Variants in OTUD7A observed in about 807,000 individuals in gnomAD.
OTUD7A encodes OTU domain-containing protein 7A.
Under a neutral mutation model 65.7 loss-of-function variants are expected in OTUD7A, and 12 were observed. The ratio of observed to expected loss-of-function variants is 0.18; its 90% CI spans 0.12 to 0.30. OTUD7A has a LOEUF of 0.30. OTUD7A is among the 10% of genes least tolerant of loss of function. OTUD7A has a pLI of 1.00. For missense variants in OTUD7A, 1,148 were observed against 1,304.8 expected, an observed-to-expected ratio of 0.88 and a Z score of 1.85; for synonymous variants, 641 against 586.3, an observed-to-expected ratio of 1.09 and a Z score of -1.35.
chr15:31,819,276 G>A (rs1205421853), intron 1 of OTUD7A, among the ~76,000 whole-genome samples: 1 of 152,126 alleles, frequency 6.6e-6, no homozygotes, highest in Non-Finnish European at 1.5e-5. Flanking sequence ...AGGGGGAAAA[G>A]TATAACCTAA....
intron 1 of OTUD7A, among the ~76,000 whole-genome samples, chr15:31,791,860 A>G (rs1895824862): frequency 1.3e-5 from 2 of 152,094 alleles, no homozygotes; most frequent in Admixed American, 1.3e-4. Flanking sequence ...TGCAGGGCTC[A>G]GCCTGGATTG....
intron 3 of OTUD7A, among the ~76,000 whole-genome samples, chr15:31,635,473 G>C (rs1366839706): frequency 6.6e-6 from 1 of 152,204 alleles, no homozygotes; most frequent in African/African-American, 2.4e-5. Context: ...CTTCCCAGCA[G>C]CCAATGGAAC....
intron 1 of OTUD7A, among the ~76,000 whole-genome samples, chr15:31,690,286 T>C (rs1892932921): frequency 6.6e-6 from 1 of 152,228 alleles, no homozygotes; most frequent in Non-Finnish European, 1.5e-5. Context: ...ACAACTGTGT[T>C]TTGGTGTTTG....
chr15:31,668,303 T>C (rs1196217717), intron 1 of OTUD7A, among the ~76,000 whole-genome samples: 3 of 152,332 alleles, frequency 2.0e-5, no homozygotes, highest in Middle Eastern at 3.4e-3. Flanking sequence ...TTTGGTTGTT[T>C]AACATAGTCC....
chr15:31,820,366 C>T (rs1896648155), intron 1 of OTUD7A, among the ~76,000 whole-genome samples: 3 of 152,218 alleles, frequency 2.0e-5, no homozygotes, highest in Admixed American at 2.0e-4. Flanking sequence ...TATCCTGGCA[C>T]TTCTCTTCAG....
chr15:31,617,039 A>C (rs1890609768), intron 3 of OTUD7A, among the ~76,000 whole-genome samples: 1 of 152,236 alleles, frequency 6.6e-6, no homozygotes, highest in South Asian at 2.1e-4. Flanking sequence ...AGAAACAACA[A>C]GACCAAGAAA....
At chr15:31,786,507 T>C (rs1056384292) in intron 1 of OTUD7A, among the ~76,000 whole-genome samples, 4 of 152,102 alleles carry the variant, frequency 2.6e-5, no homozygotes, top group Non-Finnish European at 5.9e-5. Flanking sequence ...AGGGTGTGGA[T>C]GTGGAAGCTG....
In OTUD7A at chr15:31,827,258, A is replaced by G. The variant is rs190696584; in HGVS notation, c.-100+43249T>C. Among the ~76,000 whole-genome samples, 369 of 152,356 alleles carry G rather than the reference A, an allele frequency of 2.4e-3. 2 individuals carry two copies. Among genetic ancestry groups the G allele is most frequent in the Non-Finnish European group, 2.4e-3 (166 of 68,024 alleles). ...ATGTGGCTGGGGAAGCCTCACAATC[A>G]TGGCAGAAGGCAGGGAGGAGCAAGT... On this transcript the variant is annotated intron_variant, in intron 1 of 12. Coordinates refer to ENST00000307050, the MANE Select transcript of OTUD7A (RefSeq NM_001382637.1).
rs80021613 is a variant in OTUD7A at position 31,484,167 on chromosome 15, G to A, written c.1929C>T (p.Ile643=). 2,082 of 1,610,538 alleles carry A rather than the reference G, an allele frequency of 1.3e-3. 70 individuals are homozygous for A. The East Asian group carries it at 0.044, about 34-fold the overall frequency. ...GGCTGGTGAGCAGCAGGCCGGCGAA[G>A]ATGAACTTGCGCTCCCCCTGCATGG... ...RAAMQGERKF[I]FAGLLLTSHR... Residue 643 remains isoleucine (I), a synonymous_variant, in exon 13 of 13, where the codon ATC becomes ATT. Transcript: ENST00000307050. The surrounding 1 kb of genome is among the most constrained non-coding windows in gnomAD (Gnocchi z 4.5).
At chr15:31,696,778 G>A (rs2141323703) in intron 1 of OTUD7A, among the ~76,000 whole-genome samples, 1 of 152,016 alleles carries the variant, frequency 6.6e-6, no homozygotes, top group South Asian at 2.1e-4. Context: ...GTGCCCACTT[G>A]GAGGGCCTGG....
intron 3 of OTUD7A, among the ~76,000 whole-genome samples, chr15:31,585,850 G>A (rs887252528): frequency 1.3e-5 from 2 of 152,170 alleles, no homozygotes; most frequent in Non-Finnish European, 2.9e-5. Context: ...ATGGGTTTCC[G>A]GGAGTTGTAA....
chr15:31,827,217 T>C (rs1361470758), intron 1 of OTUD7A, among the ~76,000 whole-genome samples: 1 of 152,238 alleles, frequency 6.6e-6, no homozygotes, highest in Non-Finnish European at 1.5e-5. Context: ...AGAAGTTTAA[T>C]GTGACTTACA....
At chr15:31,598,285 A>AT (rs1291881153) in intron 3 of OTUD7A, among the ~76,000 whole-genome samples, 1 of 152,198 alleles carries the variant, frequency 6.6e-6, no homozygotes, top group Non-Finnish European at 1.5e-5. Context: ...TGATTTCTGC[A>AT]TTTCCAACTG....
At chr15:31,774,687 T>C (rs1268011358) in intron 1 of OTUD7A, among the ~76,000 whole-genome samples, 1 of 152,230 alleles carries the variant, frequency 6.6e-6, no homozygotes, top group Non-Finnish European at 1.5e-5. Context: ...CCAGAGATTT[T>C]TCTGCACACT....
chr15:31,713,685 A>T (rs1893508701), intron 1 of OTUD7A, among the ~76,000 whole-genome samples: 1 of 150,590 alleles, frequency 6.6e-6, no homozygotes, highest in African/African-American at 2.4e-5. Context: ...CTGCACTAGC[A>T]AACAACCTAG....
Position 31,635,938 on chromosome 15 carries a change from C to A in OTUD7A, c.151+19158G>T, listed in dbSNP as rs12900803. Among the ~76,000 whole-genome samples the A allele has an allele frequency of 2.6e-5, 4 of 152,204 alleles. No homozygotes were observed. In the East Asian group the frequency reaches 7.7e-4, roughly 29 times the overall value. On this transcript the variant is annotated intron_variant, in intron 3 of 12. Coordinates refer to ENST00000307050, the MANE Select transcript of OTUD7A (RefSeq NM_001382637.1). The stretch of plus-strand genomic sequence containing the variant: ...TCTCCGGCAGCATGAAAACAGGGGG[C>A]GTGGCAGTTCCTGCCATAAAGAGGA...
intron 1 of OTUD7A, among the ~76,000 whole-genome samples, chr15:31,819,296 A>G (rs1308280076): frequency 1.3e-5 from 2 of 152,182 alleles, no homozygotes; most frequent in Non-Finnish European, 1.5e-5. Context: ...AAAACTAAGA[A>G]TATGACACTT....
chr15:31,555,850 C>CT (rs371140342), intron 5 of OTUD7A: 65 of 95,312 alleles, frequency 6.8e-4, no homozygotes, highest in Middle Eastern at 4.6e-3. Flanking sequence ...TGTTCTTTTT[C>CT]TTTTTTTTTT....
chr15:31,770,929 A>G (rs1054288075), intron 1 of OTUD7A, among the ~76,000 whole-genome samples: 8 of 152,226 alleles, frequency 5.3e-5, no homozygotes, highest in African/African-American at 1.7e-4. Context: ...GGCATCTTTG[A>G]AAACACACAG....
Sources: allele counts gnomAD v4.1 joint callset (sites outside exome capture counted in the v4.1 genomes callset), GRCh38; gene constraint gnomAD v4.1.1; non-coding constraint Gnocchi (gnomAD v3.1); transcripts MANE v1.5; gene names NCBI Gene and HGNC (gene_info 2026-07-23, HGNC 2026-07-21).